Variants in KTN1 observed in about 807,000 individuals in gnomAD.
The protein encoded by KTN1 is kinectin.
In KTN1, 130 loss-of-function variants were observed where a neutral mutation model predicts 222.5. That is an observed-to-expected ratio of 0.58 (90% confidence interval 0.51 to 0.68). The LOEUF (loss-of-function observed/expected upper bound fraction) is 0.68, where lower values mean the gene tolerates loss of function less well. KTN1 is among the 30% of genes least tolerant of loss of function. The pLI is 0.00. For synonymous variants in KTN1, 512 were observed against 496.3 expected, an observed-to-expected ratio of 1.03 and a Z score of -0.42; for missense variants, 1,508 against 1,500.4, an observed-to-expected ratio of 1.01 and a Z score of -0.08.
intron 1 of KTN1, among the ~76,000 whole-genome samples, chr14:55,589,606 G>C (rs966490005): frequency 2.6e-5 from 4 of 151,262 alleles, no homozygotes; most frequent in South Asian, 2.1e-4. Context: ...CACCATGCTG[G>C]GCCAGAGATT....
At chr14:55,628,940 C>T (rs2140891020) in intron 6 of KTN1, among the ~76,000 whole-genome samples, 1 of 152,308 alleles carries the variant, frequency 6.6e-6, no homozygotes, top group East Asian at 1.9e-4. Context: ...CAAACTCAGG[C>T]AGCCATAAAT....
intron 1 of KTN1, among the ~76,000 whole-genome samples, chr14:55,593,824 TC>T (rs781339421): frequency 1.3e-5 from 2 of 152,082 alleles, no homozygotes; most frequent in African/African-American, 2.4e-5. Flanking sequence ...TCCCCTCTCC[TC>T]CCCTCTCTTT....
intron 1 of KTN1, among the ~76,000 whole-genome samples, chr14:55,608,001 C>T (rs1166325205): frequency 1.3e-5 from 2 of 152,140 alleles, no homozygotes; most frequent in Admixed American, 6.5e-5. Flanking sequence ...ACAACATGAG[C>T]GTCTACATGT....
At chr14:55,624,503 C>G (rs964040930) in intron 5 of KTN1, among the ~76,000 whole-genome samples, 4 of 152,132 alleles carry the variant, frequency 2.6e-5, no homozygotes, top group African/African-American at 4.8e-5. Context: ...TTAGGCATCC[C>G]TTGTGCCATT....
At chr14:55,601,628 G>C (rs1442265208) in intron 1 of KTN1, 1 of 152,040 alleles carries the variant, frequency 6.6e-6, no homozygotes, top group Non-Finnish European at 1.5e-5. Flanking sequence ...ATGATTTGTA[G>C]AGTCATTTAT....
chr14:55,655,986 C>T, intron 28 of KTN1, 56 bp from the exon 29 acceptor site: 3 of 1,000,478 alleles, frequency 3.0e-6, no homozygotes, highest in Non-Finnish European at 4.5e-6. Context: ...ATATTGGAGT[C>T]TGGTTTTCCT....
At chr14:55,580,664 C>T (rs2031224274) in intron 1 of KTN1, among the ~76,000 whole-genome samples, 1 of 152,018 alleles carries the variant, frequency 6.6e-6, no homozygotes, top group African/African-American at 2.4e-5. Context: ...CCCCACCCTC[C>T]CCAAGGACGA....
chr14:55,581,033 C>T (rs1420805219), intron 1 of KTN1, among the ~76,000 whole-genome samples: 1 of 152,384 alleles, frequency 6.6e-6, no homozygotes, highest in Non-Finnish European at 1.5e-5. Flanking sequence ...GCGAAGTTAT[C>T]CCTTCCTGTC....
intron 33 of KTN1, 81 bp downstream of exon 33, chr14:55,664,122 C>A: frequency 1.2e-6 from 1 of 825,496 alleles, no homozygotes; most frequent in Non-Finnish European, 1.9e-6. Context: ...AAAGCATTTA[C>A]TTTTACTGCA....
At chr14:55,642,589 G>A (rs1381847291) in intron 18 of KTN1, among the ~76,000 whole-genome samples, 2 of 152,150 alleles carry the variant, frequency 1.3e-5, no homozygotes, top group Non-Finnish European at 2.9e-5. Flanking sequence ...TTTTTGAATT[G>A]TACTTTTATT....
In KTN1 at chr14:55,651,878, T is replaced by A; in HGVS notation, c.2566-12T>A. 1 of 1,536,996 alleles carries A rather than the reference T, an allele frequency of 6.5e-7. No homozygotes were observed. Among genetic ancestry groups the A allele is most frequent in the Non-Finnish European group, 9.0e-7 (1 of 1,116,398 alleles). ...GGATTATTAATTGATTTTTCTGTCC[T>A]TTGTATTTCAGTTATCTATCACTTC... On this transcript the variant is annotated splice_polypyrimidine_tract_variant and intron_variant, in intron 24 of 43. Transcript: ENST00000395314.
chr14:55,637,903 A>C, intron 12 of KTN1, 56 bp downstream of exon 12: 1 of 1,330,868 alleles, frequency 7.5e-7, no homozygotes, highest in South Asian at 1.2e-5. Flanking sequence ...TTAAACACTC[A>C]CCTGAATGTC....
At chr14:55,582,108 A>G (rs901852597) in intron 1 of KTN1, among the ~76,000 whole-genome samples, 45 of 152,350 alleles carry the variant, frequency 3.0e-4, no homozygotes, top group Admixed American at 5.2e-4. Flanking sequence ...ATTTGAAAAT[A>G]TAACAAGATC....
At chr14:55,650,077 C>T (rs1192486966) in intron 22 of KTN1, among the ~76,000 whole-genome samples, 3 of 151,734 alleles carry the variant, frequency 2.0e-5, no homozygotes, top group Non-Finnish European at 2.9e-5. Context: ...CTCTGTATTC[C>T]TCAGGGTACA....
At chr14:55,616,810 T>C (rs1010441833) in intron 3 of KTN1, among the ~76,000 whole-genome samples, 156 bp downstream of exon 3, 9 of 152,232 alleles carry the variant, frequency 5.9e-5, no homozygotes, top group African/African-American at 1.7e-4. Flanking sequence ...TTTAGCCTTA[T>C]GACTTTATAG....
chr14:55,635,224 A>T (rs1426691890), intron 9 of KTN1, among the ~76,000 whole-genome samples: 1 of 152,222 alleles, frequency 6.6e-6, no homozygotes, highest in African/African-American at 2.4e-5. Context: ...ATAGGCTTGA[A>T]TTTGAAGTTA....
At chr14:55,646,474 CCTTTCCTTTCCTTTCCTTT>C (rs2042335252) in intron 18 of KTN1, among the ~76,000 whole-genome samples, 3 of 62,528 alleles carry the variant, frequency 4.8e-5, no homozygotes, top group East Asian at 7.4e-4. Flanking sequence ...CCTTTCCTTT[CCTTTCCTTTCCTTTCCTTT>C]CCTTTCCTTT....
At chr14:55,666,243 T>A (rs1276483792) in intron 33 of KTN1, among the ~76,000 whole-genome samples, 1 of 151,984 alleles carries the variant, frequency 6.6e-6, no homozygotes, top group Non-Finnish European at 1.5e-5. Context: ...TTTCTAAAAT[T>A]GAAGTGTGTA....
chr14:55,665,018 G>T (rs977322794), intron 33 of KTN1, among the ~76,000 whole-genome samples: 5 of 150,460 alleles, frequency 3.3e-5, no homozygotes, highest in Non-Finnish European at 7.4e-5. Flanking sequence ...GCAAGTATAC[G>T]TTTGTAGTTA....
Sources: gnomAD v4.1 joint callset for allele counts (sites outside exome capture counted in the v4.1 genomes callset) on GRCh38, gnomAD v4.1.1 for gene constraint, MANE v1.5 for transcripts, NCBI Gene and HGNC (gene_info 2026-07-23, HGNC 2026-07-21) for gene names.